Variants in NEK11 observed in about 807,000 individuals in gnomAD.
NEK11 encodes the protein NIMA related kinase 11, also known as serine/threonine-protein kinase Nek11.
A neutral mutation model predicts 80.7 loss-of-function variants in NEK11; 72 were observed. That is an observed-to-expected ratio of 0.89 (90% CI 0.74 to 1.08). The LOEUF (loss-of-function observed/expected upper bound fraction) is 1.08. Ranked by LOEUF, NEK11 falls within the 50% of genes least tolerant of loss-of-function variation. NEK11 has a pLI of 0.00. For synonymous variants in NEK11, 251 were observed against 260.7 expected (o/e 0.96, Z 0.36); for missense variants, 764 against 763.6 (o/e 1.00, Z -0.01).
chr3:131,228,626 G>A lies in NEK11; in HGVS notation c.1498G>A (p.Glu500Lys), dbSNP rs759600145. The change falls in exon 15 of 18, where the codon GAA becomes AAA. Residue 500 changes from glutamate to lysine, a missense_variant. Glu to Lys is a moderately conservative substitution (Grantham distance 56). Transcript: ENST00000383366. ...SDEEEEEIAL[E>K]RPEKEIRNEG... ...TGAGGAGGAAGAAGAAATAGCGTTA[G>A]AAAGACCAGAGAAAGAAATCAGGAA... 3.1e-6 allele frequency: 5 copies of A among 1,613,728 alleles called. No homozygotes were observed. In the South Asian group the frequency reaches 5.5e-5, roughly 18 times the overall value.
chr3:131,164,510 G>A (rs1446282265), intron 11 of NEK11, among the ~76,000 whole-genome samples: 5 of 152,144 alleles, frequency 3.3e-5, no homozygotes, highest in Non-Finnish European at 4.4e-5. Flanking sequence ...GCCATGATTC[G>A]TGTCATTGGC....
chr3:131,048,053 G>A (rs2067701538), intron 3 of NEK11, among the ~76,000 whole-genome samples: 1 of 152,146 alleles, frequency 6.6e-6, no homozygotes, highest in Non-Finnish European at 1.5e-5. Flanking sequence ...CACCAGGGAA[G>A]TGGGAGAAAA....
chr3:131,168,267 G>A (rs1451725034), intron 12 of NEK11, among the ~76,000 whole-genome samples: 3 of 151,806 alleles, frequency 2.0e-5, no homozygotes, highest in African/African-American at 7.3e-5. Context: ...CACCTTGATT[G>A]CCTATGAATC....
At chr3:131,250,927 G>A (rs536868306) in intron 16 of NEK11, among the ~76,000 whole-genome samples, 1 of 152,168 alleles carries the variant, frequency 6.6e-6, no homozygotes, top group East Asian at 1.9e-4. Context: ...AATGTAATCT[G>A]CACACACTGA....
intron 14 of NEK11, among the ~76,000 whole-genome samples, chr3:131,228,056 G>T (rs769495038): frequency 2.6e-4 from 40 of 151,990 alleles, no homozygotes; most frequent in Non-Finnish European, 4.0e-4. Context: ...TATTCATCTT[G>T]TTTGGTCCTA....
At chr3:131,073,781 C>T (rs2073860512) in intron 3 of NEK11, among the ~76,000 whole-genome samples, 1 of 152,070 alleles carries the variant, frequency 6.6e-6, no homozygotes, top group African/African-American at 2.4e-5. Context: ...GCCTATATCC[C>T]CTGGGCACTT....
chr3:131,285,091 G>A (rs768036071), intron 17 of NEK11, among the ~76,000 whole-genome samples: 11 of 152,264 alleles, frequency 7.2e-5, no homozygotes, highest in Non-Finnish European at 1.2e-4. Context: ...TTGAAAGCTA[G>A]CAATAAAAGC....
intron 4 of NEK11, among the ~76,000 whole-genome samples, chr3:131,101,913 T>A (rs1171385006): frequency 6.6e-6 from 1 of 152,222 alleles, no homozygotes; most frequent in African/African-American, 2.4e-5. Flanking sequence ...TAGTACTAGG[T>A]GCATATATGT....
intron 16 of NEK11, among the ~76,000 whole-genome samples, chr3:131,272,393 C>T (rs2096207976): frequency 6.7e-6 from 1 of 149,120 alleles, no homozygotes; most frequent in Non-Finnish European, 1.5e-5. Context: ...GAAAGAGCAG[C>T]ATAGGGCCAA....
chr3:131,041,495 C>T (rs1301052436), intron 3 of NEK11, among the ~76,000 whole-genome samples: 1 of 151,980 alleles, frequency 6.6e-6, no homozygotes, highest in African/African-American at 2.4e-5. Context: ...GCTCACATAA[C>T]CATAAAAACT....
intron 4 of NEK11, among the ~76,000 whole-genome samples, chr3:131,085,311 A>G (rs1005538379): frequency 3.9e-5 from 6 of 152,320 alleles, no homozygotes; most frequent in South Asian, 4.2e-4. Context: ...CACAATGGCA[A>G]TTGTAATCAA....
rs368290700 is a variant in NEK11, at chr3:131,335,024, G to A, written c.1719-14533G>A. On this transcript the variant is annotated intron_variant, in intron 17 of 17. Coordinates refer to ENST00000383366, the MANE Select transcript of NEK11 (RefSeq NM_024800.5). ...TCCGGGACCAGATGGATTCACAGCC[G>A]AATTCTACCAGAGGTACAAGGAGGA... 3.0e-4 allele frequency among the ~76,000 whole-genome samples: 45 copies of A among 152,248 alleles called. 1 individual carries two copies. The East Asian group carries it at 4.1e-3, about 14-fold the overall frequency.
Position 131,175,005 on chromosome 3 carries a change from G to A in NEK11, c.1399+4118G>A, listed in dbSNP as rs376730062. 26 of 1,316,002 alleles carry A rather than the reference G, an allele frequency of 2.0e-5. 1 individual carries two copies. In the African/African-American group the frequency reaches 3.7e-4, roughly 19 times the overall value. The allele number at this position is 1,316,002 out of a possible 1,614,324, so 81.5% of individuals were successfully genotyped here. On this transcript the variant is annotated intron_variant, in intron 14 of 17. Transcript: ENST00000383366. ...TGCTCAGAGATAGCTCAGACCTGTAGGTGGTTGTGCTTTGCTTGCCTGTAG... is the reference window on the plus strand; with the variant it reads ...TGCTCAGAGATAGCTCAGACCTGTAAGTGGTTGTGCTTTGCTTGCCTGTAG...
At chr3:131,240,575 A>T (rs2108053676) in intron 15 of NEK11, among the ~76,000 whole-genome samples, 1 of 152,252 alleles carries the variant, frequency 6.6e-6, no homozygotes, top group South Asian at 2.1e-4. Flanking sequence ...TATTTTTGAA[A>T]ACAGAAAAAG....
chr3:131,197,748 C>T (rs1468701228), intron 14 of NEK11, among the ~76,000 whole-genome samples: 2 of 152,062 alleles, frequency 1.3e-5, no homozygotes, highest in Non-Finnish European at 2.9e-5. Flanking sequence ...GTGAGGTTCC[C>T]TATTCTATTT....
chr3:131,183,843 C>T (rs557942883), intron 14 of NEK11, among the ~76,000 whole-genome samples: 1 of 152,200 alleles, frequency 6.6e-6, no homozygotes, highest in Admixed American at 6.5e-5. Flanking sequence ...GGTTCTAGGC[C>T]TTTGAGGAAT....
chr3:131,325,740 AAAAAC>A (rs1258261288), intron 17 of NEK11: 4 of 152,248 alleles, frequency 2.6e-5, no homozygotes, highest in Admixed American at 6.5e-5. Context: ...ACAAACATCA[AAAAAC>A]AAAACAAAAC....
chr3:131,210,115 G>A (rs2094565193), intron 14 of NEK11, among the ~76,000 whole-genome samples: 1 of 152,106 alleles, frequency 6.6e-6, no homozygotes, highest in African/African-American at 2.4e-5. Context: ...TCTCCTGTGG[G>A]CATTTAGTGC....
chr3:131,091,477 G>A (rs978029849), intron 4 of NEK11, among the ~76,000 whole-genome samples: 2 of 152,158 alleles, frequency 1.3e-5, no homozygotes, highest in African/African-American at 4.8e-5. Context: ...CCACTTGAAA[G>A]ATTGTAAGCA....
Sources: allele counts gnomAD v4.1 joint callset (sites outside exome capture counted in the v4.1 genomes callset), GRCh38; gene constraint gnomAD v4.1.1; transcripts MANE v1.5; gene names NCBI Gene and HGNC (gene_info 2026-07-23, HGNC 2026-07-21).